Variants in CADM2 observed in about 807,000 individuals in gnomAD.
CADM2 encodes cell adhesion molecule 2, also known as immunoglobulin superfamily member 4D.
Under a neutral mutation model 49.8 loss-of-function variants are expected in CADM2, and 12 were observed. The observed-to-expected ratio is 0.24, with a 90% confidence interval of 0.15 to 0.39. The LOEUF is 0.39. CADM2 is among the 10% of genes least tolerant of loss of function. The pLI, the probability that CADM2 is intolerant of heterozygous loss-of-function variation, is 1.00. For missense variants in CADM2, 378 were observed against 492.3 expected (o/e 0.77, Z 2.20); for synonymous variants, 214 against 175.4 (o/e 1.22, Z -1.74).
chr3:85,781,192 A>G (rs1482946623), intron 2 of CADM2, among the ~76,000 whole-genome samples: 1 of 152,144 alleles, frequency 6.6e-6, no homozygotes, highest in Non-Finnish European at 1.5e-5. Flanking sequence ...CATCTATTCT[A>G]TCACGTAGCT....
intron 1 of CADM2, among the ~76,000 whole-genome samples, chr3:85,212,413 C>T (rs1159951654): frequency 1.3e-5 from 2 of 151,800 alleles, no homozygotes; most frequent in Admixed American, 1.3e-4. Flanking sequence ...ATGTTTTATT[C>T]TTGCTTTTGA....
chr3:85,721,775 G>A (rs542704357), intron 1 of CADM2, among the ~76,000 whole-genome samples: 2 of 152,314 alleles, frequency 1.3e-5, no homozygotes, highest in Non-Finnish European at 2.9e-5. Context: ...CTCCCCGAAG[G>A]GCCACAGCTC....
chr3:85,960,849 A>G (rs570036267), intron 7 of CADM2, among the ~76,000 whole-genome samples: 24 of 151,604 alleles, frequency 1.6e-4, no homozygotes, highest in African/African-American at 5.8e-4. Flanking sequence ...GGTTTCAAGC[A>G]AAGCTGTGCC....
intron 1 of CADM2, among the ~76,000 whole-genome samples, chr3:85,204,276 T>A (rs900661677): frequency 6.6e-6 from 1 of 152,184 alleles, no homozygotes; most frequent in South Asian, 2.1e-4. Flanking sequence ...CCTATTTTGA[T>A]TTAATTTTAT....
chr3:85,214,694 C>T (rs943323803), intron 1 of CADM2, among the ~76,000 whole-genome samples: 22 of 152,014 alleles, frequency 1.4e-4, no homozygotes, highest in African/African-American at 4.8e-4. Context: ...ACTCTTCCCT[C>T]ACCTTTCCTC....
intron 8 of CADM2, among the ~76,000 whole-genome samples, chr3:85,989,610 A>G (rs1334628253): frequency 6.6e-6 from 1 of 152,176 alleles, no homozygotes; most frequent in African/African-American, 2.4e-5. Context: ...GAACAGAGAT[A>G]CGTGTGCTCC....
chr3:85,739,796 A>G (rs1205774082), intron 2 of CADM2, among the ~76,000 whole-genome samples: 1 of 152,200 alleles, frequency 6.6e-6, no homozygotes, highest in African/African-American at 2.4e-5. Context: ...ATAAGCTATT[A>G]TTGGTAACTT....
intron 1 of CADM2, among the ~76,000 whole-genome samples, chr3:85,530,939 G>C: frequency 6.7e-6 from 1 of 149,676 alleles, no homozygotes; most frequent in South Asian, 2.1e-4. Flanking sequence ...GGAATGTCAG[G>C]GGGTTCCTTA....
intron 2 of CADM2, among the ~76,000 whole-genome samples, chr3:85,786,243 T>TA (rs1169677599): frequency 3.3e-5 from 5 of 152,216 alleles, no homozygotes; most frequent in East Asian, 3.9e-4. Flanking sequence ...ATGAACAGAT[T>TA]AAAAATGTAG....
At chr3:85,972,460 A>T (rs2108645599) in intron 8 of CADM2, among the ~76,000 whole-genome samples, 1 of 151,738 alleles carries the variant, frequency 6.6e-6, no homozygotes, top group South Asian at 2.1e-4. Context: ...CCCCTGGGGG[A>T]GGACATTAGT....
intron 1 of CADM2, among the ~76,000 whole-genome samples, chr3:85,341,844 AAGATATATGT>A (rs2045247733): frequency 6.6e-6 from 1 of 152,234 alleles, no homozygotes; most frequent in African/African-American, 2.4e-5. Flanking sequence ...CTAGGAACTG[AAGATATATGT>A]TGAGACTTGA....
chr3:85,724,332 TAA>T (rs1046657587), intron 1 of CADM2, among the ~76,000 whole-genome samples: 10 of 151,930 alleles, frequency 6.6e-5, no homozygotes, highest in Non-Finnish European at 8.8e-5. Context: ...TTTCAATATT[TAA>T]GTCTTCATCT....
chr3:85,162,463 T>C (rs1342435708), intron 1 of CADM2, among the ~76,000 whole-genome samples: 1 of 152,122 alleles, frequency 6.6e-6, no homozygotes, highest in Non-Finnish European at 1.5e-5. Flanking sequence ...CTCCCTGATT[T>C]ACCTTTTAAT....
chr3:85,317,116 G>C (rs1419053689), intron 1 of CADM2, among the ~76,000 whole-genome samples: 2 of 151,684 alleles, frequency 1.3e-5, no homozygotes, highest in Non-Finnish European at 2.9e-5. Flanking sequence ...GGAATTCTCA[G>C]TGGTGTTTGC....
intron 1 of CADM2, among the ~76,000 whole-genome samples, chr3:85,246,595 T>C (rs2042652862): frequency 6.6e-6 from 1 of 152,138 alleles, no homozygotes; most frequent in African/African-American, 2.4e-5. Flanking sequence ...AGGATAATTG[T>C]AAAATATAAA....
At chr3:85,627,428 C>T (rs2064161058) in intron 1 of CADM2, among the ~76,000 whole-genome samples, 1 of 151,884 alleles carries the variant, frequency 6.6e-6, no homozygotes, top group Non-Finnish European at 1.5e-5. Context: ...CATATATATA[C>T]ATGCACAGAG....
chr3:85,795,897 C>A (rs987523432), intron 2 of CADM2, among the ~76,000 whole-genome samples: 1 of 152,142 alleles, frequency 6.6e-6, no homozygotes. Context: ...GTTGAACTTT[C>A]AGAACAAACT....
At chr3:84,993,683 G>A (rs1348957962) in intron 1 of CADM2, among the ~76,000 whole-genome samples, 1 of 152,152 alleles carries the variant, frequency 6.6e-6, no homozygotes, top group African/African-American at 2.4e-5. Flanking sequence ...GATATGAACT[G>A]TTGTATTTCT....
chr3:85,268,722 T>G (rs2106834315), intron 1 of CADM2, among the ~76,000 whole-genome samples: 1 of 151,478 alleles, frequency 6.6e-6, no homozygotes, highest in East Asian at 1.9e-4. Context: ...GCATTCAGAT[T>G]TATGACTTCA....
Sources: gnomAD v4.1 joint callset for allele counts (sites outside exome capture counted in the v4.1 genomes callset) on GRCh38, gnomAD v4.1.1 for gene constraint, MANE v1.5 for transcripts, NCBI Gene and HGNC (gene_info 2026-07-23, HGNC 2026-07-21) for gene names.